Variants in KAZN observed in about 807,000 individuals in gnomAD.
The protein encoded by KAZN is kazrin.
KAZN carries 40 observed loss-of-function variants against 87.4 expected under a neutral mutation model. That is an observed-to-expected ratio of 0.46 (90% CI 0.36 to 0.60). The LOEUF is 0.60. Among genes scored for constraint, KAZN ranks in the 20% least tolerant of loss-of-function variants. The pLI, the probability that KAZN is intolerant of heterozygous loss-of-function variation, is 0.00. For missense variants in KAZN, 898 were observed against 1,073.9 expected (o/e 0.84, Z 2.29); for synonymous variants, 466 against 458.3 (o/e 1.02, Z -0.22).
intron 1 of KAZN, among the ~76,000 whole-genome samples, chr1:14,643,560 G>A (rs920236805): frequency 2.0e-5 from 3 of 152,178 alleles, no homozygotes; most frequent in African/African-American, 7.2e-5. Flanking sequence ...TCTTTATCCA[G>A]TCTGTCAATG....
intron 1 of KAZN, among the ~76,000 whole-genome samples, chr1:14,011,832 C>T (rs1028509025): frequency 3.9e-5 from 6 of 152,142 alleles, no homozygotes; most frequent in African/African-American, 1.4e-4. Flanking sequence ...CATGTATCAG[C>T]GTTTCCCAGC....
chr1:14,639,026 T>A (rs1157714763), intron 1 of KAZN, among the ~76,000 whole-genome samples: 1 of 152,184 alleles, frequency 6.6e-6, no homozygotes, highest in Admixed American at 6.5e-5. Context: ...CCTTCCACCA[T>A]ACACAATGGG....
At chr1:14,056,988 G>A (rs1408220471) in intron 1 of KAZN, among the ~76,000 whole-genome samples, 1 of 147,520 alleles carries the variant, frequency 6.8e-6, no homozygotes, top group Non-Finnish European at 1.5e-5. Context: ...AGGTTGCAGT[G>A]AGCTGTGATC....
intron 1 of KAZN, among the ~76,000 whole-genome samples, chr1:14,905,777 A>C (rs951420001): frequency 3.4e-5 from 5 of 148,124 alleles, no homozygotes; most frequent in African/African-American, 1.3e-4. Flanking sequence ...ATGGGAGGGG[A>C]GCTTGCAGTG....
At chr1:14,214,471 A>T (rs1646918576) in intron 2 of KAZN, among the ~76,000 whole-genome samples, 1 of 152,198 alleles carries the variant, frequency 6.6e-6, no homozygotes, top group Non-Finnish European at 1.5e-5. Flanking sequence ...AGCTTAATTG[A>T]CAATCTCAAC....
At chr1:14,690,553 C>T (rs1365257840) in intron 1 of KAZN, among the ~76,000 whole-genome samples, 6 of 149,446 alleles carry the variant, frequency 4.0e-5, no homozygotes, top group Admixed American at 2.0e-4. Flanking sequence ...TTTTTTCATG[C>T]TCTTCCCCCC....
Position 14,070,518 on chromosome 1 carries a change from G to T in KAZN, c.92-109917G>T, listed in dbSNP as rs1007307455. Among the ~76,000 whole-genome samples the T allele has an allele frequency of 3.9e-5, 6 of 152,266 alleles. No homozygotes were observed. In the East Asian group the frequency reaches 1.2e-3, roughly 29 times the overall value. ...AATAGGAAAGACGTTTGGATTTAAT[G>T]ATGAGGATTTACATGATGCTTCTTT... On this transcript the variant is annotated intron_variant, in intron 1 of 16. Coordinates refer to the KAZN transcript ENST00000636203.
intron 1 of KAZN, chr1:14,924,307 G>T: frequency 1.0e-6 from 1 of 985,514 alleles, no homozygotes; most frequent in South Asian, 4.6e-5. Context: ...TGTGAGCCCG[G>T]CGCGCGCCGT....
intron 1 of KAZN, among the ~76,000 whole-genome samples, chr1:14,834,018 CAT>C (rs1257845011): frequency 5.3e-4 from 77 of 146,162 alleles, no homozygotes; most frequent in African/African-American, 1.8e-3. Flanking sequence ...CATACACACA[CAT>C]ACATACATAT....
intron 2 of KAZN, among the ~76,000 whole-genome samples, chr1:14,438,182 T>A (rs563886332): frequency 6.6e-6 from 1 of 151,862 alleles, no homozygotes; most frequent in Admixed American, 6.5e-5. Flanking sequence ...CTGGATGGTC[T>A]CTGAGCACAG....
chr1:14,933,118 T>C (rs956005902), intron 1 of KAZN, among the ~76,000 whole-genome samples: 1 of 152,070 alleles, frequency 6.6e-6, no homozygotes, highest in African/African-American at 2.4e-5. Context: ...TGAGATGGAG[T>C]TTCGCCCTTG....
At chr1:14,112,860 C>G (rs148187107) in intron 1 of KAZN, among the ~76,000 whole-genome samples, 2 of 152,168 alleles carry the variant, frequency 1.3e-5, no homozygotes, top group African/African-American at 4.8e-5. Flanking sequence ...TGCATCCCAG[C>G]CTCCAGCCCT....
intron 2 of KAZN, among the ~76,000 whole-genome samples, chr1:14,997,206 TTTATTTATTTATTTA>T (rs1557699081): frequency 0.17 from 4,075 of 23,858 alleles, 201 homozygotes; most frequent in African/African-American, 0.21. Context: ...CTTTCTTTCA[TTTATTTATTTATTTA>T]TTTATTTATT....
chr1:13,943,918 C>T (rs1641035375), intron 1 of KAZN, among the ~76,000 whole-genome samples: 2 of 152,024 alleles, frequency 1.3e-5, no homozygotes, highest in African/African-American at 4.8e-5. Flanking sequence ...GGGAACCTTC[C>T]AGTATTTCTG....
chr1:13,945,027 T>C (rs1641082823), intron 1 of KAZN, among the ~76,000 whole-genome samples: 1 of 152,004 alleles, frequency 6.6e-6, no homozygotes, highest in East Asian at 1.9e-4. Flanking sequence ...TAAACACTAA[T>C]CAAAAGAAAG....
intron 2 of KAZN, among the ~76,000 whole-genome samples, chr1:14,357,481 C>T (rs548340253): frequency 8.5e-5 from 13 of 152,140 alleles, no homozygotes; most frequent in Admixed American, 5.2e-4. Context: ...TGGTGAGAGA[C>T]GGCATCCTTG....
intron 1 of KAZN, among the ~76,000 whole-genome samples, chr1:14,051,640 G>C (rs1642333986): frequency 6.6e-6 from 1 of 152,132 alleles, no homozygotes; most frequent in Non-Finnish European, 1.5e-5. Context: ...AGGAGTTTGA[G>C]AACAGCCTGG....
intron 2 of KAZN, among the ~76,000 whole-genome samples, chr1:14,203,240 G>A (rs573371289): frequency 2.0e-5 from 3 of 152,058 alleles, no homozygotes; most frequent in South Asian, 2.1e-4. Flanking sequence ...AGTGGAGTGC[G>A]AGAGGAAATA....
intron 2 of KAZN, among the ~76,000 whole-genome samples, chr1:14,231,621 T>C (rs904372718): frequency 6.6e-6 from 1 of 152,200 alleles, no homozygotes; most frequent in Non-Finnish European, 1.5e-5. Context: ...ATCTATGAGA[T>C]GAAGAATTTA....
Sources: gnomAD v4.1 joint callset for allele counts (sites outside exome capture counted in the v4.1 genomes callset) on GRCh38, gnomAD v4.1.1 for gene constraint, MANE v1.5 for transcripts, NCBI Gene and HGNC (gene_info 2026-07-23, HGNC 2026-07-21) for gene names.